The following WBP1L variants were observed in gnomAD, a reference collection of about 807,000 sequenced individuals.
The protein encoded by WBP1L is WW domain binding protein 1 like.
WBP1L carries 17 observed loss-of-function variants against 33.7 expected under a neutral mutation model. The observed-to-expected ratio is 0.50, with a 90% CI of 0.34 to 0.76. The LOEUF is 0.76. Ranked by LOEUF, WBP1L falls within the 30% of genes least tolerant of loss-of-function variation. The probability of loss-of-function intolerance (pLI) is 0.01; values close to 1 mark genes in which losing one functional copy is unlikely to be tolerated. For synonymous variants in WBP1L, 173 were observed against 190.8 expected, an observed-to-expected ratio of 0.91 and a Z score of 0.77; for missense variants, 389 against 469.4, an observed-to-expected ratio of 0.83 and a Z score of 1.58.
At chr10:102,801,058 TACACAC>T (rs146235018) in intron 2 of WBP1L, among the ~76,000 whole-genome samples, 1,698 of 152,096 alleles carry the variant, frequency 0.011, 25 homozygotes, top group African/African-American at 0.039. Context: ...CACACATACT[TACACAC>T]ACACACGGTT....
In WBP1L at chr10:102,769,576, T is replaced by C. The variant is rs1035100433; in HGVS notation, c.90+25433T>C. On this transcript the variant is annotated intron_variant, in intron 1 of 3. Transcript: ENST00000448841. ...CACAGCACATCCTGGGTGGACTGGA[T>C]GCAACTGTAAATATCAGGTCACAAG... 2.0e-5 allele frequency among the ~76,000 whole-genome samples: 3 copies of C among 152,180 alleles called. No homozygotes were observed. The East Asian group carries it at 5.8e-4, about 29-fold the overall frequency.
At chr10:102,792,411 A>T (rs1348730744) in intron 1 of WBP1L, among the ~76,000 whole-genome samples, 1 of 152,174 alleles carries the variant, frequency 6.6e-6, no homozygotes, top group African/African-American at 2.4e-5. Flanking sequence ...CAGGAAGATG[A>T]TATCTTTAAA....
At chr10:102,789,731 T>C (rs1157387586) in intron 1 of WBP1L, among the ~76,000 whole-genome samples, 1 of 151,744 alleles carries the variant, frequency 6.6e-6, no homozygotes, top group Non-Finnish European at 1.5e-5. Context: ...CTTCTTATTA[T>C]CTGGAAATTT....
intron 1 of WBP1L, among the ~76,000 whole-genome samples, chr10:102,763,529 C>T (rs1843070032): frequency 6.6e-6 from 1 of 152,140 alleles, no homozygotes. Flanking sequence ...AGACTAGGTG[C>T]TAGCATGGCC....
chr10:102,783,391 G>C (rs1200195000), intron 1 of WBP1L, among the ~76,000 whole-genome samples: 2 of 152,206 alleles, frequency 1.3e-5, no homozygotes, highest in Admixed American at 6.5e-5. Flanking sequence ...GGGATGACCA[G>C]CTCCTATGGT....
intron 1 of WBP1L, among the ~76,000 whole-genome samples, chr10:102,744,646 G>A (rs1220608219): frequency 6.6e-6 from 1 of 152,126 alleles, no homozygotes; most frequent in Admixed American, 6.5e-5. Flanking sequence ...GGAGAGACTT[G>A]GCCCCATTTT....
chr10:102,804,642 G>A (rs1212348405), intron 2 of WBP1L, among the ~76,000 whole-genome samples: 2 of 152,076 alleles, frequency 1.3e-5, no homozygotes, highest in African/African-American at 4.8e-5. Flanking sequence ...TGTGTCCATC[G>A]AAGGTTGGAT....
intron 2 of WBP1L, among the ~76,000 whole-genome samples, chr10:102,801,660 G>A (rs1308006670): frequency 1.3e-5 from 2 of 151,990 alleles, no homozygotes; most frequent in African/African-American, 4.8e-5. Flanking sequence ...GGGAATTTCT[G>A]CCCTTGAGAT....
At chr10:102,801,318 C>T (rs1453348717) in intron 2 of WBP1L, among the ~76,000 whole-genome samples, 2 of 152,152 alleles carry the variant, frequency 1.3e-5, no homozygotes, top group Non-Finnish European at 2.9e-5. Flanking sequence ...TTCAGCAAAC[C>T]CTTATTCCAG....
chr10:102,813,106 G>A lies in WBP1L; in HGVS notation c.867G>A (p.Glu289=), dbSNP rs756664217. 4 of 1,613,986 alleles carry A rather than the reference G, an allele frequency of 2.5e-6. No homozygotes were observed. Among genetic ancestry groups the A allele is most frequent in the South Asian group, 1.1e-5 (1 of 91,084 alleles). ...GCCACCATGACGATGACCTCAAAGAGTTCAACACACTCATCGATGATGCTC... is the reference window on the plus strand; with the variant it reads ...GCCACCATGACGATGACCTCAAAGAATTCAACACACTCATCGATGATGCTC... ...NRGHHDDDLK[E]FNTLIDDALD... The change falls in exon 4 of 4, where the codon GAG becomes GAA. Residue 289 remains glutamate, a synonymous_variant. Transcript: ENST00000448841.
chr10:102,808,375 T>A (rs934803872), intron 2 of WBP1L, among the ~76,000 whole-genome samples: 10 of 152,246 alleles, frequency 6.6e-5, no homozygotes, highest in South Asian at 2.1e-4. Flanking sequence ...AAAAAAAAAA[T>A]TTAAAAGCCT....
At position 102,754,877 on chromosome 10, in the gene WBP1L, T is replaced by TTTTA. The variant is rs148819787; in HGVS notation, c.90+10762_90+10765dup. On this transcript the variant is annotated intron_variant, in intron 1 of 3. Coordinates refer to ENST00000448841, the MANE Select transcript of WBP1L (RefSeq NM_001083913.2). ...ACACTACAGTGTCCAGCTAATTTTG[T>TTTTA]TTTATTTATTTATTTATTTATTTAT... Among the ~76,000 whole-genome samples the TTTTA allele has an allele frequency of 7.4e-3, 1,118 of 150,792 alleles. 11 individuals carry two copies. The highest frequency in any genetic ancestry group is 0.01 in the Non-Finnish European group (697 of 67,680).
In WBP1L at chr10:102,785,792, A is replaced by T. The variant is rs115877449; in HGVS notation, c.91-12201A>T. ...CCTTGCTAAAGAAGCCATGCTTCTC[A>T]ATGGACTTACTCTGTAGCAGAAGAG... On this transcript the variant is annotated intron_variant, in intron 1 of 3. Transcript: ENST00000448841. Among the ~76,000 whole-genome samples the T allele has an allele frequency of 4.4e-3, 665 of 152,322 alleles. 3 individuals are homozygous for T. Among genetic ancestry groups the T allele is most frequent in the African/African-American group, 0.015 (630 of 41,572 alleles).
At chr10:102,810,894 T>TCCCTC (rs748498103) in intron 3 of WBP1L, among the ~76,000 whole-genome samples, 4 of 143,950 alleles carry the variant, frequency 2.8e-5, no homozygotes, top group East Asian at 2.1e-4. Flanking sequence ...TCTTTTCCTT[T>TCCCTC]CCCTCCCCTC....
chr10:102,798,708 C>T, intron 2 of WBP1L, among the ~76,000 whole-genome samples: 1 of 152,218 alleles, frequency 6.6e-6, no homozygotes, highest in Non-Finnish European at 1.5e-5. Context: ...GAGGCGTGAG[C>T]CACCACACCT....
In WBP1L at chr10:102,798,051, G is replaced by C. The variant is rs1364961361; in HGVS notation, c.149G>C (p.Cys50Ser). Reference sequence around the variant, plus strand: ...AGCTACATCTGTGACACAGGACACTGCTGTGGACAGTCTCAGTGCTGCAAC... The same window carrying C: ...AGCTACATCTGTGACACAGGACACTCCTGTGGACAGTCTCAGTGCTGCAAC... ...NQSYICDTGH[C>S]CGQSQCCNYY... Residue 50 changes from cysteine (C) to serine (S), a missense_variant, in exon 2 of 4, where the codon TGC becomes TCC. Coordinates refer to ENST00000448841, the MANE Select transcript of WBP1L (RefSeq NM_001083913.2). 3.1e-6 allele frequency: 5 copies of C among 1,614,098 alleles called. No homozygotes were observed. The highest frequency in any genetic ancestry group is 8.5e-7 in the Non-Finnish European group (1 of 1,180,038).
chr10:102,763,884 A>T (rs987647338), intron 1 of WBP1L, among the ~76,000 whole-genome samples: 1 of 151,928 alleles, frequency 6.6e-6, no homozygotes, highest in African/African-American at 2.4e-5. Context: ...CGCGATCTCG[A>T]CTCACTGCAA....
chr10:102,800,652 A>G (rs1311564935), intron 2 of WBP1L, among the ~76,000 whole-genome samples: 2 of 152,112 alleles, frequency 1.3e-5, no homozygotes, highest in Non-Finnish European at 2.9e-5. Flanking sequence ...ATAAAAGCAA[A>G]ACGCCCTTCT....
chr10:102,803,607 C>CT (rs11288742), intron 2 of WBP1L, among the ~76,000 whole-genome samples: 95 of 134,752 alleles, frequency 7.0e-4, no homozygotes, highest in African/African-American at 2.0e-3. Context: ...TTGGGTTTTC[C>CT]TTTTTTTTTT....
Sources: allele counts gnomAD v4.1 joint callset (sites outside exome capture counted in the v4.1 genomes callset), GRCh38; gene constraint gnomAD v4.1.1; transcripts MANE v1.5; gene names NCBI Gene and HGNC (gene_info 2026-07-23, HGNC 2026-07-21).